The following RIMS1 variants were observed in gnomAD, a reference collection of about 807,000 sequenced individuals.
The protein encoded by RIMS1 is regulating synaptic membrane exocytosis protein 1.
Under a neutral mutation model 214.1 loss-of-function variants are expected in RIMS1, and 83 were observed. The observed-to-expected ratio is 0.39, with a 90% CI of 0.32 to 0.47. The LOEUF (loss-of-function observed/expected upper bound fraction) is 0.47, where lower values mean the gene tolerates loss of function less well. Among genes scored for constraint, RIMS1 ranks in the 20% least tolerant of loss-of-function variants. The pLI is 0.99. For missense variants in RIMS1, 2,050 were observed against 2,161.8 expected (o/e 0.95, Z 1.03); for synonymous variants, 793 against 786.8 (o/e 1.01, Z -0.13).
At chr6:72,185,292 C>T (rs2048939850) in intron 6 of RIMS1, among the ~76,000 whole-genome samples, 3 of 113,434 alleles carry the variant, frequency 2.6e-5, no homozygotes, top group Non-Finnish European at 5.1e-5. Context: ...AAGATGCCAT[C>T]GTTGTTATAG....
chr6:72,240,644 T>C (rs2066432133), intron 9 of RIMS1, among the ~76,000 whole-genome samples: 1 of 147,182 alleles, frequency 6.8e-6, no homozygotes, highest in Non-Finnish European at 1.5e-5. Context: ...TTTTTTTTTT[T>C]TTTTTTTTAC....
At chr6:72,326,253 TA>T (rs1299054086) in intron 28 of RIMS1, among the ~76,000 whole-genome samples, 1 of 151,794 alleles carries the variant, frequency 6.6e-6, no homozygotes, top group Non-Finnish European at 1.5e-5. Context: ...TATCCTGACA[TA>T]GCCCCTCGTG....
At chr6:71,978,490 C>T (rs999071805) in intron 2 of RIMS1, among the ~76,000 whole-genome samples, 3 of 151,644 alleles carry the variant, frequency 2.0e-5, no homozygotes, top group Non-Finnish European at 4.4e-5. Flanking sequence ...TTTGGATACC[C>T]GTGAAGAAAC....
chr6:72,399,748 A>G (rs893296495), intron 33 of RIMS1, among the ~76,000 whole-genome samples: 1 of 152,172 alleles, frequency 6.6e-6, no homozygotes, highest in African/African-American at 2.4e-5. Flanking sequence ...ATGATTCACC[A>G]CCAACTCTGC....
At chr6:71,910,106 G>A (rs1189019200) in intron 1 of RIMS1, among the ~76,000 whole-genome samples, 1 of 152,050 alleles carries the variant, frequency 6.6e-6, no homozygotes, top group Non-Finnish European at 1.5e-5. Context: ...AGAACCTCTG[G>A]AAGGCTGTGA....
At chr6:72,224,077 A>G (rs186840014) in intron 6 of RIMS1, among the ~76,000 whole-genome samples, 66 of 152,314 alleles carry the variant, frequency 4.3e-4, no homozygotes, top group Admixed American at 1.4e-3. Flanking sequence ...AGCATGATCC[A>G]TATGAGAATC....
intron 4 of RIMS1, among the ~76,000 whole-genome samples, chr6:72,103,648 C>T (rs778302694): frequency 2.7e-4 from 41 of 151,972 alleles, no homozygotes; most frequent in Non-Finnish European, 5.3e-4. Flanking sequence ...TGTGAACATA[C>T]GTTGTCAAAT....
intron 19 of RIMS1, chr6:72,262,965 A>G (rs2078726916): frequency 4.0e-6 from 2 of 494,902 alleles, no homozygotes; most frequent in Non-Finnish European, 5.2e-6. Flanking sequence ...TGTTATGAAT[A>G]TTATTATCCT....
intron 1 of RIMS1, among the ~76,000 whole-genome samples, chr6:71,887,821 T>A (rs1002095857): frequency 6.6e-6 from 1 of 152,158 alleles, no homozygotes; most frequent in Non-Finnish European, 1.5e-5. Context: ...ACAGCATACC[T>A]GTGTGAAGAC....
intron 2 of RIMS1, among the ~76,000 whole-genome samples, chr6:71,997,063 AT>A (rs1453245756): frequency 6.6e-6 from 1 of 152,208 alleles, no homozygotes; most frequent in East Asian, 1.9e-4. Context: ...CAATAAAAAC[AT>A]TTTGTCTGAA....
chr6:72,374,295 T>C (rs1296045287), intron 29 of RIMS1, among the ~76,000 whole-genome samples: 1 of 152,230 alleles, frequency 6.6e-6, no homozygotes, highest in Non-Finnish European at 1.5e-5. Context: ...GAGTTTTCTT[T>C]TGGTCTTCAG....
chr6:71,936,143 G>A (rs546868247), intron 1 of RIMS1, among the ~76,000 whole-genome samples: 1 of 151,534 alleles, frequency 6.6e-6, no homozygotes, highest in Non-Finnish European at 1.5e-5. Flanking sequence ...GAGGTCAGGA[G>A]ATCGAGACCC....
Position 72,183,089 on chromosome 6 carries a change from A to G in RIMS1, c.1618A>G (p.Thr540Ala), listed in dbSNP as rs1303059786. Residue 540 changes from threonine to alanine, a missense_variant, in exon 6 of 34, where the codon ACG becomes GCG. Transcript: ENST00000521978. ...VSSSEEEGVS[T>A]PEYTSCEDVE... ...CAGCTCTGAGGAGGAGGGCGTGTCG[A>G]CGCCCGAGTACACCAGCTGCGAGGA... The G allele has an allele frequency of 5.7e-6, 9 of 1,591,232 alleles. No homozygotes were observed. The highest frequency in any genetic ancestry group is 7.7e-6 in the Non-Finnish European group (9 of 1,170,070).
rs1209267289 is a variant in RIMS1, at chr6:72,382,559, T to G, written c.4367-8039T>G. 5.3e-5 allele frequency among the ~76,000 whole-genome samples: 8 copies of G among 152,336 alleles called. No homozygotes were observed. In the East Asian group the frequency reaches 1.3e-3, roughly 26 times the overall value. ...AATTGTATAAGGAAGACCAGGACCT[T>G]GAGATTATTAAGGATAGCATTAATA... is the stretch of plus-strand genomic sequence containing the variant. On this transcript the variant is annotated intron_variant, in intron 29 of 33. Coordinates refer to ENST00000521978, the MANE Select transcript of RIMS1 (RefSeq NM_014989.7).
intron 1 of RIMS1, among the ~76,000 whole-genome samples, chr6:71,926,219 C>G (rs1389231647): frequency 5.9e-5 from 9 of 152,212 alleles, no homozygotes; most frequent in Non-Finnish European, 1.3e-4. Flanking sequence ...GTTTGAGCCA[C>G]TGCGCCCAGC....
chr6:71,907,706 C>G (rs761176769), intron 1 of RIMS1, among the ~76,000 whole-genome samples: 9 of 152,116 alleles, frequency 5.9e-5, no homozygotes, highest in Non-Finnish European at 1.3e-4. Flanking sequence ...CAAGTTTTAG[C>G]TCACAGCGTA....
At chr6:72,115,130 G>A (rs940617330) in intron 4 of RIMS1, among the ~76,000 whole-genome samples, 1 of 151,688 alleles carries the variant, frequency 6.6e-6, no homozygotes, top group African/African-American at 2.4e-5. Flanking sequence ...TACACTTCTT[G>A]GTCAGTGATT....
chr6:72,123,955 G>A (rs924168878), intron 4 of RIMS1, among the ~76,000 whole-genome samples: 1 of 151,822 alleles, frequency 6.6e-6, no homozygotes, highest in African/African-American at 2.4e-5. Flanking sequence ...TTTAATTGGA[G>A]CATTTGGCCC....
At chr6:72,111,868 A>G (rs940339695) in intron 4 of RIMS1, among the ~76,000 whole-genome samples, 1 of 152,090 alleles carries the variant, frequency 6.6e-6, no homozygotes, top group African/African-American at 2.4e-5. Flanking sequence ...CAGTTGTCCC[A>G]TGGATCATAC....
Sources: gnomAD v4.1 joint callset for allele counts (sites outside exome capture counted in the v4.1 genomes callset) on GRCh38, gnomAD v4.1.1 for gene constraint, MANE v1.5 for transcripts, NCBI Gene and HGNC (gene_info 2026-07-23, HGNC 2026-07-21) for gene names.